Variants in FRMD5 observed in about 807,000 individuals in gnomAD.
FRMD5 encodes the protein FERM domain containing 5.
In FRMD5, 20 loss-of-function variants were observed where a neutral mutation model predicts 69.0. The observed-to-expected ratio is 0.29, with a 90% CI of 0.20 to 0.42. The LOEUF is 0.42. FRMD5 is among the 10% of genes least tolerant of loss of function. FRMD5 has a pLI of 1.00. For synonymous variants in FRMD5, 271 were observed against 260.1 expected (o/e 1.04, Z -0.40); for missense variants, 595 against 708.6 (o/e 0.84, Z 1.82).
intron 1 of FRMD5, among the ~76,000 whole-genome samples, chr15:44,032,751 GT>G (rs1297845793): frequency 1.3e-5 from 2 of 152,222 alleles, no homozygotes; most frequent in African/African-American, 2.4e-5. Context: ...TACACTGTTG[GT>G]GGGAGTGTAA....
At chr15:44,196,177 G>T (rs919543134), upstream of FRMD5, among the ~76,000 whole-genome samples, 3 of 152,032 alleles carry the variant, frequency 2.0e-5, no homozygotes, top group African/African-American at 7.2e-5. Context: ...AAATAATTAT[G>T]TCGGCCGGGC....
At chr15:43,895,868 G>A (rs951471490) in intron 7 of FRMD5, among the ~76,000 whole-genome samples, 2 of 152,170 alleles carry the variant, frequency 1.3e-5, no homozygotes, top group Non-Finnish European at 2.9e-5. Flanking sequence ...ACCTTCCCTG[G>A]AACTTCTCCA....
Position 44,071,677 on chromosome 15 carries a change from T to C in FRMD5, c.102+123276A>G, listed in dbSNP as rs1269842987. ...TTTTGAACCTAAGTTCATGATTTTA[T>C]GTTTATTTATGGTTAATGTACTCTT... On this transcript the variant is annotated intron_variant, in intron 1 of 13. Transcript: ENST00000417257. 5.9e-5 allele frequency among the ~76,000 whole-genome samples: 9 copies of C among 152,338 alleles called. No homozygotes were observed. The South Asian group carries it at 6.2e-4, about 11-fold the overall frequency.
At chr15:44,197,465 C>G (rs1026046225), upstream of FRMD5, among the ~76,000 whole-genome samples, 9 of 151,596 alleles carry the variant, frequency 5.9e-5, no homozygotes, top group Non-Finnish European at 1.0e-4. Context: ...GGGTGGATCA[C>G]GAGGTCAGGA....
intron 1 of FRMD5, among the ~76,000 whole-genome samples, chr15:44,082,605 CACAA>C (rs1338168696): frequency 2.0e-5 from 3 of 151,916 alleles, no homozygotes; most frequent in African/African-American, 4.8e-5. Context: ...AATCAGTTTC[CACAA>C]ACAGTCTGAA....
At chr15:43,882,859 G>C (rs1380440220) in intron 13 of FRMD5, among the ~76,000 whole-genome samples, 4 of 151,994 alleles carry the variant, frequency 2.6e-5, no homozygotes, top group Non-Finnish European at 4.4e-5. Flanking sequence ...GAGTGCAGTG[G>C]TGCAATCTGG....
intron 1 of FRMD5, among the ~76,000 whole-genome samples, chr15:43,980,849 T>C (rs1595583775): frequency 1.3e-5 from 2 of 152,152 alleles, no homozygotes; most frequent in Admixed American, 6.6e-5. Context: ...CATTATACAA[T>C]TGACCCTTGA....
chr15:44,110,050 A>G (rs2076775783), intron 1 of FRMD5, among the ~76,000 whole-genome samples: 1 of 151,958 alleles, frequency 6.6e-6, no homozygotes, highest in South Asian at 2.1e-4. Context: ...TTGTGTATTT[A>G]CTGTAAATTT....
intron 1 of FRMD5, among the ~76,000 whole-genome samples, chr15:44,048,895 C>A (rs1445432562): frequency 6.6e-6 from 1 of 152,102 alleles, no homozygotes; most frequent in Non-Finnish European, 1.5e-5. Flanking sequence ...GATCTCATAT[C>A]TACACTAATT....
intron 1 of FRMD5, among the ~76,000 whole-genome samples, chr15:44,161,821 T>G (rs895264163): frequency 4.6e-5 from 7 of 152,164 alleles, no homozygotes; most frequent in African/African-American, 1.7e-4. Flanking sequence ...AAAATGACTA[T>G]TTTCACAGGA....
intron 1 of FRMD5, among the ~76,000 whole-genome samples, chr15:44,058,065 T>C (rs1241887613): frequency 2.0e-5 from 3 of 152,210 alleles, no homozygotes; most frequent in Admixed American, 6.5e-5. Flanking sequence ...CCAATGTTAT[T>C]TGACGTGTAA....
intron 1 of FRMD5, among the ~76,000 whole-genome samples, chr15:44,090,423 A>G (rs532125333): frequency 6.6e-6 from 1 of 151,982 alleles, no homozygotes; most frequent in South Asian, 2.1e-4. Flanking sequence ...TGTCTAAATT[A>G]CCAAAGAGAT....
At chr15:44,189,855 C>T (rs2078164920) in intron 1 of FRMD5, among the ~76,000 whole-genome samples, 1 of 152,162 alleles carries the variant, frequency 6.6e-6, no homozygotes, top group African/African-American at 2.4e-5. Context: ...GGAAGACCTG[C>T]TTCATTTGCT....
intron 1 of FRMD5, among the ~76,000 whole-genome samples, chr15:43,980,844 T>C (rs945572265): frequency 1.3e-5 from 2 of 152,168 alleles, no homozygotes; most frequent in Admixed American, 6.5e-5. Context: ...GTATTCATTA[T>C]ACAATTGACC....
chr15:43,994,932 T>C (rs1889852658), intron 1 of FRMD5, among the ~76,000 whole-genome samples: 1 of 152,216 alleles, frequency 6.6e-6, no homozygotes, highest in South Asian at 2.1e-4. Flanking sequence ...ACAAGTTTGG[T>C]GGTGATGAAC....
At chr15:43,925,821 ATTTT>A (rs2089574727) in intron 1 of FRMD5, among the ~76,000 whole-genome samples, 2 of 151,958 alleles carry the variant, frequency 1.3e-5, no homozygotes, top group African/African-American at 4.8e-5. Flanking sequence ...AGCCACTCCT[ATTTT>A]TTGAGGACTC....
intron 1 of FRMD5, among the ~76,000 whole-genome samples, chr15:43,974,980 C>T (rs1320246407): frequency 6.6e-6 from 1 of 152,224 alleles, no homozygotes; most frequent in African/African-American, 2.4e-5. Flanking sequence ...GTGAGAACCC[C>T]AGGCTACCTA....
At chr15:43,880,987 G>A (rs1451562426) in intron 13 of FRMD5, among the ~76,000 whole-genome samples, 8 of 152,286 alleles carry the variant, frequency 5.3e-5, no homozygotes, top group South Asian at 4.1e-4. Flanking sequence ...TGTTTTCCCC[G>A]CCTCTGAGTT....
chr15:44,121,384 G>A (rs1217654326), intron 1 of FRMD5, among the ~76,000 whole-genome samples: 1 of 151,708 alleles, frequency 6.6e-6, no homozygotes, highest in Non-Finnish European at 1.5e-5. Context: ...AGAAGAGGGA[G>A]AATAGAATTA....
Sources: allele counts gnomAD v4.1 joint callset (sites outside exome capture counted in the v4.1 genomes callset), GRCh38; gene constraint gnomAD v4.1.1; transcripts MANE v1.5; gene names NCBI Gene and HGNC (gene_info 2026-07-23, HGNC 2026-07-21).